Variants in FOXN3 observed in about 807,000 individuals in gnomAD.
The protein encoded by FOXN3 is forkhead box protein N3.
Under a neutral mutation model 38.4 loss-of-function variants are expected in FOXN3, and 7 were observed. The ratio of observed to expected loss-of-function variants is 0.18; its 90% confidence interval spans 0.10 to 0.34. The LOEUF (loss-of-function observed/expected upper bound fraction) is 0.34, where lower values mean the gene tolerates loss of function less well. Ranked by LOEUF, FOXN3 falls within the 10% of genes least tolerant of loss-of-function variation. The probability of loss-of-function intolerance (pLI) is 1.00; values close to 1 mark genes in which losing one functional copy is unlikely to be tolerated. For synonymous variants in FOXN3, 230 were observed against 242.2 expected (o/e 0.95, Z 0.47); for missense variants, 456 against 613.4 (o/e 0.74, Z 2.71).
At chr14:89,581,250 G>A (rs1383483117) in intron 1 of FOXN3, among the ~76,000 whole-genome samples, 8 of 152,158 alleles carry the variant, frequency 5.3e-5, no homozygotes, top group African/African-American at 1.7e-4. Flanking sequence ...GGGAGGCTGA[G>A]GGGGGAGTAT....
intron 3 of FOXN3, among the ~76,000 whole-genome samples, chr14:89,348,272 C>A (rs755053325): frequency 4.5e-4 from 69 of 152,236 alleles, no homozygotes; most frequent in Admixed American, 1.0e-3. Flanking sequence ...CACAGTGGAC[C>A]CAGCCAGATC....
At chr14:89,513,202 CT>C (rs768759145) in intron 1 of FOXN3, among the ~76,000 whole-genome samples, 4 of 150,422 alleles carry the variant, frequency 2.7e-5, no homozygotes, top group Non-Finnish European at 5.9e-5. Context: ...GTAGTCACAG[CT>C]TTCCCAAACC....
rs1461932905 is a variant in FOXN3 at position 89,417,223 on chromosome 14, A to AT, written c.-368_-367insA. ...AATTGTTTCCACTGCAAACAAAAAA[A>AT]GGCGACACATGACCAGGCAGGAGGA... On this transcript the variant is annotated 5_prime_UTR_variant, in exon 1 of 6. It introduces an in-frame stop codon into an upstream open reading frame of the 5' UTR. Transcript: ENST00000557258. The AT allele has an allele frequency of 6.8e-6, 1 of 146,104 alleles. No homozygotes were observed. Among genetic ancestry groups the AT allele is most frequent in the Non-Finnish European group, 1.5e-5 (1 of 65,810 alleles). 9.1% of individuals were successfully genotyped at this position (146,104 alleles called of 1,614,324 possible).
chr14:89,173,970 G>A (rs1298270075), intron 5 of FOXN3, among the ~76,000 whole-genome samples: 1 of 152,134 alleles, frequency 6.6e-6, no homozygotes, highest in Non-Finnish European at 1.5e-5. Flanking sequence ...TCTGGTGTGG[G>A]TGACAAAGCG....
intron 2 of FOXN3, among the ~76,000 whole-genome samples, chr14:89,385,366 C>T (rs376071821): frequency 2.0e-5 from 3 of 151,854 alleles, no homozygotes; most frequent in African/African-American, 7.3e-5. Context: ...GCCACATGGC[C>T]CATCTTTTTC....
rs1887142783 is a variant in FOXN3, at chr14:89,162,876, G to A, written c.945C>T (p.Tyr315=). 10 of 1,611,608 alleles carry A rather than the reference G, an allele frequency of 6.2e-6. No homozygotes were observed. The highest frequency in any genetic ancestry group is 2.7e-5 in the African/African-American group (2 of 74,936). Reference sequence around the variant, plus strand: ...GGGCGTTGGAGGACTTGGCACTGCTGTAGTTGTGATCCTCCTTGGGGTCTC... The same window carrying A: ...GGGCGTTGGAGGACTTGGCACTGCTATAGTTGTGATCCTCCTTGGGGTCTC... ...VSGDPKEDHN[Y]SSAKSSNARS... Residue 315 remains tyrosine (Y), a synonymous_variant, in exon 6 of 6, where the codon TAC becomes TAT. Coordinates refer to ENST00000557258, the MANE Select transcript of FOXN3 (RefSeq NM_005197.4). The surrounding 1 kb of genome is among the most constrained non-coding windows in gnomAD (Gnocchi z 7.2).
chr14:89,160,881 C>A lies in FOXN3; in HGVS notation c.*1533G>T. ...TTCAAAAAACCAAAACAAAATAACCCGAAAAAAAAACAAAAACAAAAAACA... is the reference window on the plus strand; with the variant it reads ...TTCAAAAAACCAAAACAAAATAACCAGAAAAAAAAACAAAAACAAAAAACA... On this transcript the variant is annotated 3_prime_UTR_variant, in exon 6 of 6. Coordinates refer to ENST00000557258, the MANE Select transcript of FOXN3 (RefSeq NM_005197.4). 4 of 141,136 alleles carry A rather than the reference C, an allele frequency of 2.8e-5. No individual in the cohort carries two copies. Among genetic ancestry groups the A allele is most frequent in the African/African-American group, 8.0e-5 (3 of 37,708 alleles). The allele number at this position is 141,136 out of a possible 1,614,324, so 8.7% of individuals were successfully genotyped here.
intron 1 of FOXN3, among the ~76,000 whole-genome samples, chr14:89,504,644 C>T (rs572607106): frequency 6.6e-6 from 1 of 152,222 alleles, no homozygotes; most frequent in African/African-American, 2.4e-5. Flanking sequence ...TCCCCACCAA[C>T]CAAGTCCAGA....
chr14:89,337,437 G>T (rs1329826810), intron 3 of FOXN3, among the ~76,000 whole-genome samples: 3 of 152,106 alleles, frequency 2.0e-5, no homozygotes, highest in African/African-American at 7.2e-5. Context: ...TGAGTGTTTG[G>T]GCTGGCCTGG....
At chr14:89,435,947 G>A (rs1458921527) in intron 1 of FOXN3, among the ~76,000 whole-genome samples, 5 of 152,046 alleles carry the variant, frequency 3.3e-5, no homozygotes, top group Non-Finnish European at 5.9e-5. Flanking sequence ...AGGCACAGCA[G>A]GTTTTACGTA....
At chr14:89,396,476 C>T (rs115702961) in intron 2 of FOXN3, among the ~76,000 whole-genome samples, 1,652 of 152,340 alleles carry the variant, frequency 0.011, 42 homozygotes, top group African/African-American at 0.037. Context: ...AAAAAGAACT[C>T]TATCAGAGTA....
intron 1 of FOXN3, among the ~76,000 whole-genome samples, chr14:89,431,563 C>A (rs1892158180): frequency 6.6e-6 from 1 of 152,014 alleles, no homozygotes; most frequent in Admixed American, 6.6e-5. Flanking sequence ...TTCTTTTGAC[C>A]CTCTGTGCAA....
intron 1 of FOXN3, among the ~76,000 whole-genome samples, chr14:89,439,277 G>A (rs1037255929): frequency 6.6e-6 from 1 of 152,174 alleles, no homozygotes; most frequent in Non-Finnish European, 1.5e-5. Flanking sequence ...TGGGTAAAAT[G>A]AGGCTGAGAC....
chr14:89,611,622 C>T (rs980243602), intron 1 of FOXN3, among the ~76,000 whole-genome samples: 25 of 152,058 alleles, frequency 1.6e-4, no homozygotes, highest in East Asian at 3.9e-4. Flanking sequence ...CTGGTTAACA[C>T]GGTGAAACCC....
chr14:89,326,677 A>G (rs1888090277), intron 3 of FOXN3, among the ~76,000 whole-genome samples: 2 of 152,218 alleles, frequency 1.3e-5, no homozygotes, highest in Non-Finnish European at 2.9e-5. Context: ...AGTGTACATA[A>G]TGGCCAGAAA....
At chr14:89,377,499 G>A (rs1327297158) in intron 2 of FOXN3, among the ~76,000 whole-genome samples, 3 of 152,138 alleles carry the variant, frequency 2.0e-5, no homozygotes, top group Non-Finnish European at 2.9e-5. Context: ...CAGGTGAGGT[G>A]CCATGATGCC....
At chr14:89,511,162 TTTCTTTC>T (rs1566680872) in intron 1 of FOXN3, among the ~76,000 whole-genome samples, 1,349 of 24,428 alleles carry the variant, frequency 0.055, 332 homozygotes, top group Middle Eastern at 0.14. Flanking sequence ...TCTTTCTTTC[TTTCTTTC>T]TTTCTTTCTT....
intron 4 of FOXN3, among the ~76,000 whole-genome samples, chr14:89,222,516 T>C (rs1214294020): frequency 1.3e-5 from 2 of 152,128 alleles, no homozygotes; most frequent in Non-Finnish European, 2.9e-5. Flanking sequence ...ATCTAAGGAG[T>C]GTGGGCCACA....
chr14:89,408,195 T>C (rs1891443064), intron 2 of FOXN3, among the ~76,000 whole-genome samples: 1 of 152,074 alleles, frequency 6.6e-6, no homozygotes, highest in Non-Finnish European at 1.5e-5. Flanking sequence ...CTAGGAAGCT[T>C]AGCAGAACTA....
Sources: gnomAD v4.1 joint callset for allele counts (sites outside exome capture counted in the v4.1 genomes callset) on GRCh38, gnomAD v4.1.1 for gene constraint, Gnocchi (gnomAD v3.1) non-coding constraint, MANE v1.5 for transcripts, NCBI Gene and HGNC (gene_info 2026-07-23, HGNC 2026-07-21) for gene names.